OR2A5: variants seen among roughly 807,000 people sequenced by gnomAD.
The protein encoded by OR2A5 is olfactory receptor family 2 subfamily A member 5.
A neutral mutation model predicts 1.9 loss-of-function variants in OR2A5; 2 were observed. The observed-to-expected ratio is 1.04, with a 90% CI of 0.43 to 3.28. The LOEUF (loss-of-function observed/expected upper bound fraction) is 3.28. Ranked by LOEUF, OR2A5 falls within the 30% of genes most tolerant of loss-of-function variation. The pLI, the probability that OR2A5 is intolerant of heterozygous loss-of-function variation, is 0.08. For missense variants in OR2A5, 391 were observed against 375.9 expected, an observed-to-expected ratio of 1.04 and a Z score of -0.33; for synonymous variants, 160 against 154.5, an observed-to-expected ratio of 1.04 and a Z score of -0.26.
chr7:144,051,342 T>A lies in OR2A5; in HGVS notation c.*5T>A, dbSNP rs772597577. ...TGGAAACAGAGATCAAAGTGAGGGA[T>A]GCCAGGGAAAGTCTAGAGGGTTGAA... On this transcript the variant is annotated 3_prime_UTR_variant, in exon 2 of 2. Transcript: ENST00000641693. The A allele has an allele frequency of 1.3e-6, 2 of 1,593,052 alleles. No individual in the cohort carries two copies. The highest frequency in any genetic ancestry group is 1.7e-6 in the Non-Finnish European group (2 of 1,169,084).
rs1180356656 is a variant in OR2A5, at chr7:144,051,213, A to C, written c.812A>C (p.Gln271Pro). 1 of 1,614,216 alleles carries C rather than the reference A, an allele frequency of 6.2e-7. No homozygotes were observed. The highest frequency in any genetic ancestry group is 1.7e-5 in the Admixed American group (1 of 60,026). ...APKSRHPEEQ[Q>P]KVLSLFYSLF... is the part of the protein sequence containing the mutation. ...AAGTCCCGCCACCCTGAGGAGCAGC[A>C]GAAGGTCCTTTCCCTGTTTTACAGC... is the stretch of plus-strand genomic sequence containing the variant. Residue 271 changes from glutamine to proline, a missense_variant, in exon 2 of 2, where the codon CAG (glutamine) becomes CCG (proline). Gln to Pro is a moderately conservative substitution (Grantham distance 76). Coordinates refer to ENST00000641693, the MANE Select transcript of OR2A5 (RefSeq NM_012365.2).
chr7:144,056,942 GT>G lies in OR2A5; in HGVS notation c.*5606del, dbSNP rs1482573162. On this transcript the variant is annotated 3_prime_UTR_variant, in exon 2 of 2. Transcript: ENST00000641693. ...CCATTCTCCTGCCTCAGCCTCCCGAGTAGCTGGGACTACAGGCGTCTGCCAC... is the reference window on the plus strand; with the variant it reads ...CCATTCTCCTGCCTCAGCCTCCCGAGAGCTGGGACTACAGGCGTCTGCCAC... 1.3e-5 allele frequency: 2 copies of G among 152,042 alleles called. No individual in the cohort carries two copies. The highest frequency in any genetic ancestry group is 4.8e-5 in the African/African-American group (2 of 41,374). The allele number at this position is 152,042 out of a possible 1,614,324, so 9.4% of individuals were successfully genotyped here.
In OR2A5 at chr7:144,055,296, C is replaced by CTT. The variant is rs147242443; in HGVS notation, c.*3960_*3961dup. On this transcript the variant is annotated 3_prime_UTR_variant, in exon 2 of 2. Coordinates refer to ENST00000641693, the MANE Select transcript of OR2A5 (RefSeq NM_012365.2). ...ATTATAAGTTATGCAACAATGAGGT[C>CTT]TTGTGAATTATTGTGCAGCCTTACT... 745 of 152,146 alleles carry CTT rather than the reference C, an allele frequency of 4.9e-3. 8 individuals are homozygous for CTT. Among genetic ancestry groups the CTT allele is most frequent in the African/African-American group, 0.017 (690 of 41,514 alleles). The allele number at this position is 152,146 out of a possible 1,614,324, so 9.4% of individuals were successfully genotyped here.
chr7:144,050,440 C>G lies in OR2A5; in HGVS notation c.39C>G (p.Leu13=), dbSNP rs773682088. 3 of 1,547,512 alleles carry G rather than the reference C, an allele frequency of 1.9e-6. No homozygotes were observed. Among genetic ancestry groups the G allele is most frequent in the East Asian group, 2.2e-5 (1 of 44,604 alleles). Residue 13 remains leucine, a synonymous_variant, in exon 2 of 2, where the codon CTC becomes CTG. Coordinates refer to ENST00000641693, the MANE Select transcript of OR2A5 (RefSeq NM_012365.2). ...KNQTWVTEFI[L]LGFPLSLRIQ... is the part of the protein sequence containing the mutation. ...AGACATGGGTCACAGAATTCATTCT[C>G]CTGGGATTTCCACTCAGCCTAAGGA...
rs367636913 is a variant in OR2A5 at position 144,050,570 on chromosome 7, C to T, written c.169C>T (p.Pro57Ser). 3.1e-6 allele frequency: 5 copies of T among 1,609,960 alleles called. No individual in the cohort carries two copies. In the African/African-American group the frequency reaches 6.7e-5, roughly 21 times the overall value. ...LIWLDSRLHT[P>S]MYFFLSHLAI... Reference sequence around the variant, plus strand: ...CTGGCTGGACTCCAGACTGCACACCCCCATGTACTTCTTTCTCTCACACCT... The same window carrying T: ...CTGGCTGGACTCCAGACTGCACACCTCCATGTACTTCTTTCTCTCACACCT... Residue 57 changes from proline to serine, a missense_variant, in exon 2 of 2, where the codon CCC becomes TCC. Pro to Ser is a moderately conservative substitution (Grantham distance 74). Coordinates refer to ENST00000641693, the MANE Select transcript of OR2A5 (RefSeq NM_012365.2).
At position 144,050,538 on chromosome 7, in the gene OR2A5, G is replaced by A. The variant is rs374748257; in HGVS notation, c.137G>A (p.Gly46Glu). 4.8e-5 allele frequency: 77 copies of A among 1,609,254 alleles called. No individual in the cohort carries two copies. Among genetic ancestry groups the A allele is most frequent in the Admixed American group, 8.4e-5 (5 of 59,814 alleles). Residue 46 changes from glycine (G) to glutamate (E), a missense_variant, in exon 2 of 2, where the codon GGG becomes GAG. Transcript: ENST00000641693. Reference protein sequence around the residue: ...FTLLGNGAILGLIWLDSRLHT... With the variant: ...FTLLGNGAILELIWLDSRLHT... ...CTGCTGGGAAATGGGGCCATCCTGG[G>A]GCTCATCTGGCTGGACTCCAGACTG...
Position 144,050,617 on chromosome 7 carries a change from T to A in OR2A5, c.216T>A (p.Tyr72Ter). The A allele has an allele frequency of 6.2e-7, 1 of 1,613,118 alleles. No individual in the cohort carries two copies. Among genetic ancestry groups the A allele is most frequent in the Non-Finnish European group, 8.5e-7 (1 of 1,179,496 alleles). Residue 72 changes from tyrosine to a stop codon, truncating the protein, a stop_gained, in exon 2 of 2, where the codon TAT becomes TAA. Coordinates refer to ENST00000641693, the MANE Select transcript of OR2A5 (RefSeq NM_012365.2). LOFTEE classifies it low-confidence loss of function (END_TRUNC). ...ACCTGGCCATCATTGATATTTCGTA[T>A]GCTTCCAACAATGTCCCCAAGATGC... ...LSHLAIIDIS[Y>*]ASNNVPKMLT...
chr7:144,058,318 T>C lies in OR2A5; in HGVS notation c.*6981T>C, dbSNP rs969837052. 1 of 152,258 alleles carries C rather than the reference T, an allele frequency of 6.6e-6. No individual in the cohort carries two copies. Among genetic ancestry groups the C allele is most frequent in the Non-Finnish European group, 1.5e-5 (1 of 68,048 alleles). 9.4% of individuals were successfully genotyped at this position (152,258 alleles called of 1,614,324 possible). A position where few individuals can be genotyped will look rare whatever the true frequency, so the allele number is the denominator to read the frequency against. ...TCTTGTTGTAAAATACATAATTTCA[T>C]AGTTTTTTAATGGCTGAATAGTATT... On this transcript the variant is annotated 3_prime_UTR_variant, in exon 2 of 2. Coordinates refer to ENST00000641693, the MANE Select transcript of OR2A5 (RefSeq NM_012365.2).
Position 144,055,176 on chromosome 7 carries a change from T to C in OR2A5, c.*3839T>C, listed in dbSNP as rs1321307160. The C allele has an allele frequency of 1.3e-5, 2 of 152,182 alleles. No individual in the cohort carries two copies. The highest frequency in any genetic ancestry group is 2.9e-5 in the Non-Finnish European group (2 of 68,024). 9.4% of individuals were successfully genotyped at this position (152,182 alleles called of 1,614,324 possible). ...TGCAGGAGGCAAACATAGTTGTTTA[T>C]TGCCTTCCACAAAGTGGGGAAAAAT... On this transcript the variant is annotated 3_prime_UTR_variant, in exon 2 of 2. Transcript: ENST00000641693.
intron 1 of OR2A5, among the ~76,000 whole-genome samples, chr7:144,049,716 G>A (rs902981935): frequency 6.6e-5 from 10 of 152,182 alleles, no homozygotes; most frequent in Admixed American, 4.6e-4. Context: ...GATTAGTGAT[G>A]GCAAACTTTC....
In OR2A5 at chr7:144,053,551, A is replaced by G. The variant is rs2128797573; in HGVS notation, c.*2214A>G. 3 of 152,318 alleles carry G rather than the reference A, an allele frequency of 2.0e-5. No homozygotes were observed. In the Middle Eastern group the frequency reaches 0.01, roughly 518 times the overall value. 9.4% of individuals were successfully genotyped at this position (152,318 alleles called of 1,614,324 possible). A position where few individuals can be genotyped will look rare whatever the true frequency, so the allele number is the denominator to read the frequency against. ...TAATAGATAAGTAAACAAAGTTCAG[A>G]ATGATTTAATAACTTATCCTATACT... On this transcript the variant is annotated 3_prime_UTR_variant, in exon 2 of 2. Coordinates refer to ENST00000641693, the MANE Select transcript of OR2A5 (RefSeq NM_012365.2).
In OR2A5 at chr7:144,057,472, G is replaced by C. The variant is rs909539370; in HGVS notation, c.*6135G>C. 12 of 151,928 alleles carry C rather than the reference G, an allele frequency of 7.9e-5. No individual in the cohort carries two copies. Among genetic ancestry groups the C allele is most frequent in the African/African-American group, 2.9e-4 (12 of 41,352 alleles). The allele number at this position is 151,928 out of a possible 1,614,324, so 9.4% of individuals were successfully genotyped here. On this transcript the variant is annotated 3_prime_UTR_variant, in exon 2 of 2. Transcript: ENST00000641693. ...TCATAATGAAAGCACAGAACATTAA[G>C]GAGGAAAAGAAAATAATAAAACCTT...
Position 144,050,505 on chromosome 7 carries a change from T to C in OR2A5, c.104T>C (p.Val35Ala), listed in dbSNP as rs200836739. 1.2e-6 allele frequency: 2 copies of C among 1,606,108 alleles called. No individual in the cohort carries two copies. The highest frequency in any genetic ancestry group is 1.7e-6 in the Non-Finnish European group (2 of 1,175,846). Reference protein sequence around the residue: ...LLSGLFSLLYVFTLLGNGAIL... With the variant: ...LLSGLFSLLYAFTLLGNGAIL... The stretch of plus-strand genomic sequence containing the variant: ...TCTGGGCTTTTCTCCCTGTTATACG[T>C]CTTCACCCTGCTGGGAAATGGGGCC... The change falls in exon 2 of 2, where the codon GTC becomes GCC. Residue 35 changes from valine (V) to alanine (A), a missense_variant. Val to Ala is a moderately conservative substitution (Grantham distance 64, BLOSUM62 0). Coordinates refer to ENST00000641693, the MANE Select transcript of OR2A5 (RefSeq NM_012365.2).
rs1256336269 is a variant in OR2A5, at chr7:144,049,030, G to A, written c.-155G>A. On this transcript the variant is annotated 5_prime_UTR_variant, in exon 1 of 2. It introduces an in-frame stop codon into an upstream open reading frame of the 5' UTR. Transcript: ENST00000641693. Reference sequence around the variant, plus strand: ...ATTCCTTCTCTCAGGGGCTGCTGGTGGGAGCAAGATCCTCAGCTCTGGCCT... The same window carrying A: ...ATTCCTTCTCTCAGGGGCTGCTGGTAGGAGCAAGATCCTCAGCTCTGGCCT... The A allele has an allele frequency of 6.6e-6, 1 of 152,380 alleles. No homozygotes were observed. Among genetic ancestry groups the A allele is most frequent in the Non-Finnish European group, 1.5e-5 (1 of 68,186 alleles). The allele number at this position is 152,380 out of a possible 1,614,324, so 9.4% of individuals were successfully genotyped here. A position where few individuals can be genotyped will look rare whatever the true frequency, so the allele number is the denominator to read the frequency against.
In OR2A5 at chr7:144,051,386, T is replaced by C; in HGVS notation, c.*49T>C. 1 of 1,438,972 alleles carries C rather than the reference T, an allele frequency of 6.9e-7. No homozygotes were observed. The highest frequency in any genetic ancestry group is 2.0e-5 in the Admixed American group (1 of 50,364). The allele number at this position is 1,438,972 out of a possible 1,614,324, so 89.1% of individuals were successfully genotyped here. On this transcript the variant is annotated 3_prime_UTR_variant, in exon 2 of 2. Transcript: ENST00000641693. ...GGTTGAAGATTTGCTCCCAATGAGATTTGTAGGAACAGTGGTGTAAATGCC... is the reference window on the plus strand; with the variant it reads ...GGTTGAAGATTTGCTCCCAATGAGACTTGTAGGAACAGTGGTGTAAATGCC...
At position 144,050,398 on chromosome 7, in the gene OR2A5, G is replaced by A; in HGVS notation, c.-4G>A. The A allele has an allele frequency of 2.0e-6, 3 of 1,531,058 alleles. No homozygotes were observed. Among genetic ancestry groups the A allele is most frequent in the Non-Finnish European group, 2.6e-6 (3 of 1,142,132 alleles). 94.8% of individuals were successfully genotyped at this position (1,531,058 alleles called of 1,614,324 possible). A position where few individuals can be genotyped will look rare whatever the true frequency, so the allele number is the denominator to read the frequency against. On this transcript the variant is annotated 5_prime_UTR_variant, in exon 2 of 2. Coordinates refer to ENST00000641693, the MANE Select transcript of OR2A5 (RefSeq NM_012365.2). ...GAGTCCAACGCAGGTACTGTCACAA[G>A]GGCATGACAAAAAATCAGACATGGG...
chr7:144,049,502 G>C (rs55979718), intron 1 of OR2A5, among the ~76,000 whole-genome samples: 2 of 152,086 alleles, frequency 1.3e-5, no homozygotes, highest in African/African-American at 4.8e-5. Flanking sequence ...CCTTTCATTC[G>C]TCCATCCATC....
chr7:144,055,507 A>G lies in OR2A5; in HGVS notation c.*4170A>G, dbSNP rs1158034808. 6.6e-6 allele frequency: 1 copy of G among 152,192 alleles called. No homozygotes were observed. The highest frequency in any genetic ancestry group is 2.4e-5 in the African/African-American group (1 of 41,438). The allele number at this position is 152,192 out of a possible 1,614,324, so 9.4% of individuals were successfully genotyped here. A position where few individuals can be genotyped will look rare whatever the true frequency, so the allele number is the denominator to read the frequency against. On this transcript the variant is annotated 3_prime_UTR_variant, in exon 2 of 2. Transcript: ENST00000641693. ...CTTACAGTCATTTAAAGATTTTTAA[A>G]TGGTAATTCTAAGATAATCTTTTTT...
rs1197828932 is a variant in OR2A5 at position 144,053,999 on chromosome 7, A to G, written c.*2662A>G. The G allele has an allele frequency of 6.6e-6, 1 of 152,198 alleles. No individual in the cohort carries two copies. The highest frequency in any genetic ancestry group is 1.5e-5 in the Non-Finnish European group (1 of 68,072). 9.4% of individuals were successfully genotyped at this position (152,198 alleles called of 1,614,324 possible). ...CTATGATTCTGGTCTTCTTTCTATC[A>G]TTAGGTGTACCCACCTGTGTTCTTT... is the stretch of plus-strand genomic sequence containing the variant. On this transcript the variant is annotated 3_prime_UTR_variant, in exon 2 of 2. Transcript: ENST00000641693.
Sources: allele counts gnomAD v4.1 joint callset (sites outside exome capture counted in the v4.1 genomes callset), GRCh38; gene constraint gnomAD v4.1.1; transcripts MANE v1.5; gene names NCBI Gene and HGNC (gene_info 2026-07-23, HGNC 2026-07-21).